STXBP5L: variants seen among roughly 807,000 people sequenced by gnomAD.
STXBP5L encodes the protein syntaxin binding protein 5L.
Under a neutral mutation model 144.5 loss-of-function variants are expected in STXBP5L, and 65 were observed. That is an observed-to-expected ratio of 0.45 (90% confidence interval 0.37 to 0.55). The LOEUF (loss-of-function observed/expected upper bound fraction) is 0.55. STXBP5L is among the 20% of genes least tolerant of loss of function. The probability of loss-of-function intolerance (pLI) is 0.00; values close to 1 mark genes in which losing one functional copy is unlikely to be tolerated. For missense variants in STXBP5L, 1,298 were observed against 1,405.5 expected (o/e 0.92, Z 1.22); for synonymous variants, 505 against 469.6 (o/e 1.08, Z -0.97).
chr3:120,918,671 T>C (rs768317095), intron 2 of STXBP5L, among the ~76,000 whole-genome samples: 1 of 152,164 alleles, frequency 6.6e-6, no homozygotes, highest in Admixed American at 6.5e-5. Flanking sequence ...TAATCTAACA[T>C]GTAGTTAGTG....
intron 11 of STXBP5L, among the ~76,000 whole-genome samples, chr3:121,231,991 T>G (rs550964542): frequency 1.3e-5 from 2 of 152,290 alleles, no homozygotes; most frequent in South Asian, 4.1e-4. Flanking sequence ...ACATCTTTAG[T>G]CCATTCTGGA....
intron 20 of STXBP5L, among the ~76,000 whole-genome samples, chr3:121,371,886 T>C (rs1278621986): frequency 3.3e-5 from 5 of 152,144 alleles, no homozygotes; most frequent in Non-Finnish European, 7.4e-5. Context: ...TCAACAACAA[T>C]GGTGGTACCG....
At chr3:121,239,830 C>T (rs1453233175) in intron 13 of STXBP5L, among the ~76,000 whole-genome samples, 1 of 150,960 alleles carries the variant, frequency 6.6e-6, no homozygotes, top group African/African-American at 2.4e-5. Context: ...GCGCATTGTG[C>T]ACATGTACCC....
chr3:120,936,064 A>G (rs918274254), intron 2 of STXBP5L, among the ~76,000 whole-genome samples: 1 of 152,000 alleles, frequency 6.6e-6, no homozygotes, highest in Admixed American at 6.6e-5. Flanking sequence ...TTCTCTTTGC[A>G]TATCAGTTTG....
chr3:121,002,902 T>G (rs1172962115), intron 3 of STXBP5L, among the ~76,000 whole-genome samples: 1 of 152,208 alleles, frequency 6.6e-6, no homozygotes, highest in Non-Finnish European at 1.5e-5. Flanking sequence ...TTTTTATGGC[T>G]GCATAGTATT....
intron 2 of STXBP5L, among the ~76,000 whole-genome samples, chr3:120,929,217 G>A (rs1019484506): frequency 2.0e-5 from 3 of 152,100 alleles, no homozygotes; most frequent in African/African-American, 7.2e-5. Context: ...ATTATTCTGG[G>A]CTGATGATTG....
intron 20 of STXBP5L, among the ~76,000 whole-genome samples, chr3:121,342,436 C>T (rs2203077): frequency 0.79 from 118,156 of 150,410 alleles, 46,637 homozygotes; most frequent in East Asian, 0.93. Flanking sequence ...CATGCTGGTG[C>T]GCTGCACCCA....
intron 9 of STXBP5L, among the ~76,000 whole-genome samples, chr3:121,164,041 A>G (rs2046414119): frequency 6.6e-6 from 1 of 152,118 alleles, no homozygotes; most frequent in African/African-American, 2.4e-5. Flanking sequence ...AATTCTTTTA[A>G]TCGTTTAATA....
intron 20 of STXBP5L, among the ~76,000 whole-genome samples, chr3:121,349,530 G>T (rs1169685726): frequency 1.3e-5 from 2 of 152,066 alleles, no homozygotes; most frequent in African/African-American, 4.8e-5. Context: ...TTTCTGTCTC[G>T]TTGATCTTCT....
intron 5 of STXBP5L, among the ~76,000 whole-genome samples, chr3:121,048,899 CT>C (rs1301393817): frequency 1.3e-5 from 2 of 152,138 alleles, no homozygotes; most frequent in Non-Finnish European, 2.9e-5. Context: ...AGTCTGGCTG[CT>C]TTTCCATAAA....
chr3:121,028,001 T>C (rs966236417), intron 3 of STXBP5L, among the ~76,000 whole-genome samples: 1 of 152,112 alleles, frequency 6.6e-6, no homozygotes, highest in Non-Finnish European at 1.5e-5. Context: ...TTTGGTGATA[T>C]GCAATAGGGC....
chr3:121,186,609 T>C (rs916684385), intron 9 of STXBP5L, among the ~76,000 whole-genome samples: 9 of 152,232 alleles, frequency 5.9e-5, no homozygotes, highest in African/African-American at 2.2e-4. Flanking sequence ...TTGATTTTCA[T>C]ATGTTGAACC....
At chr3:121,131,091 A>C in intron 7 of STXBP5L, among the ~76,000 whole-genome samples, 1 of 152,152 alleles carries the variant, frequency 6.6e-6, no homozygotes, top group Admixed American at 6.6e-5. Context: ...ATTAATCAAC[A>C]TGCTAGTTCT....
At chr3:121,199,348 C>A (rs773102318) in intron 9 of STXBP5L, among the ~76,000 whole-genome samples, 3 of 152,144 alleles carry the variant, frequency 2.0e-5, no homozygotes, top group Non-Finnish European at 4.4e-5. Flanking sequence ...TGAGACTCTG[C>A]TGAAGTTGCT....
At chr3:121,352,936 T>A (rs2045353341) in intron 20 of STXBP5L, among the ~76,000 whole-genome samples, 1 of 152,194 alleles carries the variant, frequency 6.6e-6, no homozygotes, top group African/African-American at 2.4e-5. Flanking sequence ...TCTATTGAGA[T>A]AATCATGTGG....
At chr3:121,152,788 A>T (rs2045976434) in intron 8 of STXBP5L, among the ~76,000 whole-genome samples, 1 of 151,958 alleles carries the variant, frequency 6.6e-6, no homozygotes. Context: ...GTGGCATCTT[A>T]TATACTTTGC....
At chr3:121,131,402 G>C (rs1361214314) in intron 7 of STXBP5L, among the ~76,000 whole-genome samples, 1 of 152,162 alleles carries the variant, frequency 6.6e-6, no homozygotes, top group Non-Finnish European at 1.5e-5. Flanking sequence ...ACAAGTCACA[G>C]ATGACTTTAT....
intron 10 of STXBP5L, among the ~76,000 whole-genome samples, chr3:121,215,973 C>G (rs1053811599): frequency 6.6e-6 from 1 of 152,044 alleles, no homozygotes; most frequent in Non-Finnish European, 1.5e-5. Context: ...CTCTGATATC[C>G]TTTCTTTCAC....
intron 10 of STXBP5L, among the ~76,000 whole-genome samples, chr3:121,220,223 A>G (rs2048933127): frequency 6.6e-6 from 1 of 152,090 alleles, no homozygotes; most frequent in Non-Finnish European, 1.5e-5. Context: ...GTGGTTATAT[A>G]TTATGTAACC....
Sources: gnomAD v4.1 joint callset for allele counts (sites outside exome capture counted in the v4.1 genomes callset) on GRCh38, gnomAD v4.1.1 for gene constraint, MANE v1.5 for transcripts, NCBI Gene and HGNC (gene_info 2026-07-23, HGNC 2026-07-21) for gene names.